The following ABR variants were observed in gnomAD, a reference collection of about 807,000 sequenced individuals.
ABR encodes the protein ABR activator of RhoGEF and GTPase.
Under a neutral mutation model 107.2 loss-of-function variants are expected in ABR, and 35 were observed. That is an observed-to-expected ratio of 0.33 (90% CI 0.25 to 0.43). ABR has a LOEUF of 0.43. Among genes scored for constraint, ABR ranks in the 20% least tolerant of loss-of-function variants. The pLI, the probability that ABR is intolerant of heterozygous loss-of-function variation, is 1.00. For missense variants in ABR, 815 were observed against 1,115.2 expected, an observed-to-expected ratio of 0.73 and a Z score of 3.83; for synonymous variants, 498 against 462.0, an observed-to-expected ratio of 1.08 and a Z score of -1.00.
chr17:1,004,006 C>T lies in ABR; in HGVS notation c.*2074G>A, dbSNP rs1333747115. On this transcript the variant is annotated 3_prime_UTR_variant, in exon 23 of 23. Transcript: ENST00000302538. ...CCTTTGCATTTCTCAGCCTTTGCAG[C>T]CTTCCCATAGCCTGTTCTCACGTTG... is the stretch of plus-strand genomic sequence containing the variant. 1 of 152,284 alleles carries T rather than the reference C, an allele frequency of 6.6e-6. No individual in the cohort carries two copies. Among genetic ancestry groups the T allele is most frequent in the Non-Finnish European group, 1.5e-5 (1 of 68,088 alleles). The allele number at this position is 152,284 out of a possible 1,614,324, so 9.4% of individuals were successfully genotyped here.
At chr17:1,214,690 A>G (rs968563705) in intron 1 of ABR, among the ~76,000 whole-genome samples, 1 of 152,020 alleles carries the variant, frequency 6.6e-6, no homozygotes, top group Admixed American at 6.6e-5. Context: ...AATCCCAGCT[A>G]CTCGGGAGGC....
intron 2 of ABR, among the ~76,000 whole-genome samples, chr17:1,124,436 C>G (rs1002054498): frequency 3.9e-5 from 6 of 152,216 alleles, no homozygotes; most frequent in Non-Finnish European, 7.3e-5. Context: ...TCTTCTCCCC[C>G]ACCAGCTCCA....
rs558768116 is a variant in ABR, at chr17:1,070,389, T to C, written c.895-299A>G. Among the ~76,000 whole-genome samples, 13 of 152,108 alleles carry C rather than the reference T, an allele frequency of 8.5e-5. No homozygotes were observed. The highest frequency in any genetic ancestry group is 1.6e-4 in the Non-Finnish European group (11 of 67,998). The stretch of plus-strand genomic sequence containing the variant: ...CTCATAAGGTGACTCATCGAGATGG[T>C]GCATGTGAAACAGCACAGTGCCTGG... On this transcript the variant is annotated intron_variant, in intron 8 of 22. Coordinates refer to ENST00000302538, the MANE Select transcript of ABR (RefSeq NM_021962.5). This position sits in a 1 kb window ranked among gnomAD's most constrained non-coding sequence, Gnocchi z 4.2.
At chr17:1,129,391 G>C (rs1004390863) in intron 1 of ABR, among the ~76,000 whole-genome samples, 2 of 105,446 alleles carry the variant, frequency 1.9e-5, no homozygotes, top group Non-Finnish European at 4.4e-5. Flanking sequence ...AATTAGCCAG[G>C]CGTGGTGGTT....
intron 6 of ABR, among the ~76,000 whole-genome samples, chr17:1,076,728 G>GC (rs1267959969): frequency 5.9e-5 from 7 of 117,894 alleles, no homozygotes; most frequent in Non-Finnish European, 9.7e-5. Flanking sequence ...GGGGGTGGGG[G>GC]TGGGGGGGGT....
intron 2 of ABR, among the ~76,000 whole-genome samples, chr17:1,116,953 G>A (rs1193877423): frequency 2.0e-5 from 3 of 152,180 alleles, no homozygotes; most frequent in African/African-American, 7.2e-5. Flanking sequence ...GGAGCAGTCA[G>A]GAGGGAGTGG....
intron 3 of ABR, among the ~76,000 whole-genome samples, chr17:1,099,103 T>G (rs1344089137): frequency 1.3e-5 from 2 of 149,184 alleles, no homozygotes; most frequent in Non-Finnish European, 3.0e-5. Flanking sequence ...TTTGAGGAAT[T>G]TCACTTCCGT....
intron 1 of ABR, among the ~76,000 whole-genome samples, chr17:1,146,647 C>T (rs1401219478): frequency 6.7e-6 from 1 of 148,346 alleles, no homozygotes; most frequent in African/African-American, 2.5e-5. Flanking sequence ...GCCACCACTG[C>T]CACATGCCAC....
At chr17:1,127,504 G>A (rs890507052) in intron 1 of ABR, among the ~76,000 whole-genome samples, 2 of 152,098 alleles carry the variant, frequency 1.3e-5, no homozygotes, top group Non-Finnish European at 2.9e-5. Flanking sequence ...GTCTGGGTCC[G>A]TGAAGGGCCT....
intron 4 of ABR, among the ~76,000 whole-genome samples, chr17:1,085,935 T>C (rs945683181): frequency 6.6e-6 from 1 of 152,074 alleles, no homozygotes; most frequent in Non-Finnish European, 1.5e-5. Context: ...TCACCTAAGG[T>C]TGGCAGTTCG....
chr17:1,146,334 A>G (rs1350284669), intron 1 of ABR, among the ~76,000 whole-genome samples: 1 of 146,614 alleles, frequency 6.8e-6, no homozygotes, highest in Non-Finnish European at 1.5e-5. Flanking sequence ...TGGCCCCCAC[A>G]CTCCATTCAG....
chr17:1,152,264 C>CA (rs1247576839), intron 1 of ABR, among the ~76,000 whole-genome samples: 26 of 140,016 alleles, frequency 1.9e-4, no homozygotes, highest in East Asian at 8.4e-4. Context: ...GCCTGGGCTA[C>CA]AGAGCGAGAC....
At chr17:1,008,171 G>A (rs997918423) in intron 21 of ABR, among the ~76,000 whole-genome samples, 3 of 152,224 alleles carry the variant, frequency 2.0e-5, no homozygotes, top group East Asian at 1.9e-4. Context: ...GATGCTCTGC[G>A]ATGCTTCCCT....
At chr17:1,125,045 C>G (rs143399780) in intron 2 of ABR, 138 bp downstream of exon 2, 1 of 849,736 alleles carries the variant, frequency 1.2e-6, no homozygotes, top group Non-Finnish European at 1.7e-6. Flanking sequence ...GACGAGATGA[C>G]GAGGCACCAA....
chr17:1,214,600 G>A (rs866005983), intron 1 of ABR, among the ~76,000 whole-genome samples: 4 of 151,828 alleles, frequency 2.6e-5, no homozygotes, highest in African/African-American at 4.8e-5. Context: ...TCAGGAGTTC[G>A]AGACCAGCTT....
At position 1,193,241 on chromosome 17, in the gene ABR, A is replaced by G. The variant is rs566169572; in HGVS notation, c.838+35552T>C. On this transcript the variant is annotated intron_variant, in intron 1 of 22. Transcript: ENST00000574139. The stretch of plus-strand genomic sequence containing the variant: ...AGAATTAGCAGCTTTTCTTAGATCC[A>G]CCTTATAGAGAAGCCTTTCTGGGAC... 3.3e-5 allele frequency among the ~76,000 whole-genome samples: 5 copies of G among 151,530 alleles called. No homozygotes were observed. In the South Asian group the frequency reaches 1.0e-3, roughly 32 times the overall value.
chr17:1,066,859 T>G (rs1209259526), intron 10 of ABR, among the ~76,000 whole-genome samples: 1 of 152,132 alleles, frequency 6.6e-6, no homozygotes, highest in Non-Finnish European at 1.5e-5. Flanking sequence ...GTGTTCAACA[T>G]GCACTGCTTT....
chr17:1,019,940 G>T (rs976349156), intron 16 of ABR, among the ~76,000 whole-genome samples: 2 of 152,208 alleles, frequency 1.3e-5, no homozygotes, highest in African/African-American at 4.8e-5. Context: ...AGGGGCACAC[G>T]AGCACTGGGG....
rs1447306416 is a variant in ABR at position 1,008,315 on chromosome 17, C to T, written c.2343-1003G>A. Among the ~76,000 whole-genome samples, 3 of 152,234 alleles carry T rather than the reference C, an allele frequency of 2.0e-5. No individual in the cohort carries two copies. The East Asian group carries it at 5.8e-4, about 29-fold the overall frequency. ...GCTGAGACCCACCCACCCTAAGCAG[C>T]GCCTCTCACCCTCAATACCATCATT... On this transcript the variant is annotated intron_variant, in intron 21 of 22. Coordinates refer to ENST00000302538, the MANE Select transcript of ABR (RefSeq NM_021962.5).
Sources: allele counts gnomAD v4.1 joint callset (sites outside exome capture counted in the v4.1 genomes callset), GRCh38; gene constraint gnomAD v4.1.1; non-coding constraint Gnocchi (gnomAD v3.1); transcripts MANE v1.5; gene names NCBI Gene and HGNC (gene_info 2026-07-23, HGNC 2026-07-21).